COL19A1: variants seen among roughly 807,000 people sequenced by gnomAD.
The protein encoded by COL19A1 is collagen type XIX alpha 1 chain.
A neutral mutation model predicts 190.2 loss-of-function variants in COL19A1; 159 were observed. That is an observed-to-expected ratio of 0.84 (90% CI 0.73 to 0.95). The LOEUF (loss-of-function observed/expected upper bound fraction) is 0.95, where lower values mean the gene tolerates loss of function less well. COL19A1 is among the 40% of genes least tolerant of loss of function. The pLI is 0.00. For synonymous variants in COL19A1, 509 were observed against 458.9 expected, an observed-to-expected ratio of 1.11 and a Z score of -1.39; for missense variants, 1,418 against 1,431.9, an observed-to-expected ratio of 0.99 and a Z score of 0.16.
chr6:69,995,220 A>G (rs3805981), intron 11 of COL19A1, among the ~76,000 whole-genome samples: 39,078 of 152,162 alleles, frequency 0.26, 6,213 homozygotes, highest in Non-Finnish European at 0.35. Context: ...GTTTACTGCC[A>G]GGTGTTAGTA....
chr6:70,083,327 T>A (rs1228400068), intron 15 of COL19A1, among the ~76,000 whole-genome samples: 2 of 152,174 alleles, frequency 1.3e-5, no homozygotes, highest in African/African-American at 2.4e-5. Context: ...AGTGTACAGT[T>A]TTGTAATTTT....
At chr6:70,087,598 T>A (rs1283242621) in intron 15 of COL19A1, among the ~76,000 whole-genome samples, 1 of 152,144 alleles carries the variant, frequency 6.6e-6, no homozygotes, top group Non-Finnish European at 1.5e-5. Flanking sequence ...AGGGCCCTCA[T>A]TTGTCTGTTG....
chr6:70,017,546 TG>T (rs1198829916), intron 11 of COL19A1, among the ~76,000 whole-genome samples: 1 of 152,102 alleles, frequency 6.6e-6, no homozygotes, highest in African/African-American at 2.4e-5. Flanking sequence ...AGTAGGAACA[TG>T]AGACTCATTA....
intron 11 of COL19A1, among the ~76,000 whole-genome samples, chr6:69,968,444 A>T (rs1775243600): frequency 6.6e-6 from 1 of 152,130 alleles, no homozygotes; most frequent in Admixed American, 6.5e-5. Context: ...AGATAGATTT[A>T]ACTTTTATAT....
At chr6:70,205,382 T>C (rs1310368732) in intron 49 of COL19A1, among the ~76,000 whole-genome samples, 1 of 152,194 alleles carries the variant, frequency 6.6e-6, no homozygotes, top group African/African-American at 2.4e-5. Flanking sequence ...AAATAATTGA[T>C]CATACATACT....
chr6:69,961,862 G>A (rs1358213021), intron 10 of COL19A1, among the ~76,000 whole-genome samples: 1 of 152,032 alleles, frequency 6.6e-6, no homozygotes, highest in Non-Finnish European at 1.5e-5. Flanking sequence ...ATGCATGCAT[G>A]TTTCTATATA....
At chr6:70,101,839 C>T (rs59622341) in intron 15 of COL19A1, among the ~76,000 whole-genome samples, 2,573 of 152,158 alleles carry the variant, frequency 0.017, 65 homozygotes, top group African/African-American at 0.057. Context: ...TTATTGCATC[C>T]GAAACCACAG....
chr6:70,059,039 A>G (rs1780668298), intron 14 of COL19A1, among the ~76,000 whole-genome samples: 1 of 152,116 alleles, frequency 6.6e-6, no homozygotes, highest in Admixed American at 6.6e-5. Flanking sequence ...ATTTTCTGTA[A>G]AAACAGATAA....
chr6:70,126,332 C>T (rs918399343), intron 17 of COL19A1, among the ~76,000 whole-genome samples: 1 of 152,130 alleles, frequency 6.6e-6, no homozygotes, highest in Admixed American at 6.5e-5. Flanking sequence ...AGTGTAGGCT[C>T]CCTTGGAGAC....
chr6:69,926,032 A>G (rs2150008285), intron 4 of COL19A1, among the ~76,000 whole-genome samples: 1 of 152,290 alleles, frequency 6.6e-6, no homozygotes, highest in East Asian at 1.9e-4. Flanking sequence ...TCATCTGCAA[A>G]CAGGGACAAT....
chr6:69,959,994 AG>A lies in COL19A1; in HGVS notation c.938del, dbSNP rs776693178. 1 of 1,613,190 alleles carries A rather than the reference AG, an allele frequency of 6.2e-7. No individual in the cohort carries two copies. Among genetic ancestry groups the A allele is most frequent in the South Asian group, 1.1e-5 (1 of 90,864 alleles). ...AAACATTATTCTGTGTACTTCTTTT[AG>A]GGTGAAAATGGTTTACATGGTGCTC... is the stretch of plus-strand genomic sequence containing the variant. On this transcript the variant is annotated splice_acceptor_variant, in intron 9 of 50. Transcript: ENST00000620364. LOFTEE classifies it high-confidence loss of function.
intron 14 of COL19A1, among the ~76,000 whole-genome samples, chr6:70,061,161 G>T (rs147859189): frequency 1.3e-5 from 2 of 152,192 alleles, no homozygotes; most frequent in African/African-American, 4.8e-5. Context: ...ATTTTAATTT[G>T]TTAGTTTGGG....
At chr6:70,129,557 A>G (rs1039435328) in intron 17 of COL19A1, among the ~76,000 whole-genome samples, 1 of 152,230 alleles carries the variant, frequency 6.6e-6, no homozygotes, top group Non-Finnish European at 1.5e-5. Flanking sequence ...AGGAATTAGA[A>G]GTGGTGACTG....
In COL19A1 at chr6:70,210,574, A is replaced by G. The variant is rs1768129746; in HGVS notation, c.*3300A>G. Among the ~76,000 whole-genome samples, 1 of 152,196 alleles carries G rather than the reference A, an allele frequency of 6.6e-6. No individual in the cohort carries two copies. Among genetic ancestry groups the G allele is most frequent in the South Asian group, 2.1e-4 (1 of 4,838 alleles). Reference sequence around the variant, plus strand: ...TTATCATTTGATATTTGGCTTATAAAGTAATTTTTATGAATCTGTTTTATG... The same window carrying G: ...TTATCATTTGATATTTGGCTTATAAGGTAATTTTTATGAATCTGTTTTATG... On this transcript the variant is annotated 3_prime_UTR_variant, in exon 51 of 51. Transcript: ENST00000620364.
chr6:70,171,153 T>G (rs1266257233), intron 40 of COL19A1, among the ~76,000 whole-genome samples: 3 of 152,206 alleles, frequency 2.0e-5, no homozygotes, highest in Non-Finnish European at 4.4e-5. Context: ...GAGATCTTTT[T>G]GTGTGTGATT....
chr6:70,076,279 T>C (rs1781877821), intron 15 of COL19A1, among the ~76,000 whole-genome samples: 1 of 152,238 alleles, frequency 6.6e-6, no homozygotes, highest in Non-Finnish European at 1.5e-5. Context: ...TTATTCTAAC[T>C]GTTCTGCATA....
chr6:70,019,790 ACT>A (rs1778316871), intron 11 of COL19A1, among the ~76,000 whole-genome samples: 1 of 151,982 alleles, frequency 6.6e-6, no homozygotes, highest in Non-Finnish European at 1.5e-5. Flanking sequence ...AATGCATTCT[ACT>A]CTCTACAACC....
At chr6:69,870,741 T>C (rs934579006) in intron 1 of COL19A1, among the ~76,000 whole-genome samples, 8 of 151,204 alleles carry the variant, frequency 5.3e-5, no homozygotes, top group Admixed American at 3.3e-4. Context: ...AGTAGGGAGG[T>C]GGAAATAAAG....
intron 46 of COL19A1, among the ~76,000 whole-genome samples, chr6:70,186,434 A>G (rs1766517458): frequency 6.6e-6 from 1 of 152,200 alleles, no homozygotes; most frequent in African/African-American, 2.4e-5. Context: ...TAGCATTGAT[A>G]CCAGGCCTAA....
Sources: gnomAD v4.1 joint callset for allele counts (sites outside exome capture counted in the v4.1 genomes callset) on GRCh38, gnomAD v4.1.1 for gene constraint, MANE v1.5 for transcripts, NCBI Gene and HGNC (gene_info 2026-07-23, HGNC 2026-07-21) for gene names.